MARCHF1: variants seen among roughly 807,000 people sequenced by gnomAD.
The protein encoded by MARCHF1 is E3 ubiquitin-protein ligase MARCHF1.
MARCHF1 carries 40 observed loss-of-function variants against 54.2 expected under a neutral mutation model. The ratio of observed to expected loss-of-function variants is 0.74; its 90% CI spans 0.57 to 0.96. The LOEUF (loss-of-function observed/expected upper bound fraction) is 0.96, where lower values mean the gene tolerates loss of function less well. Among genes scored for constraint, MARCHF1 ranks in the 40% least tolerant of loss-of-function variants. The pLI is 0.00. For missense variants in MARCHF1, 586 were observed against 656.5 expected (o/e 0.89, Z 1.17); for synonymous variants, 236 against 236.3 (o/e 1.00, Z 0.01).
intron 5 of MARCHF1, among the ~76,000 whole-genome samples, chr4:163,684,007 G>A (rs1263553915): frequency 1.3e-5 from 2 of 152,154 alleles, no homozygotes; most frequent in East Asian, 1.9e-4. Flanking sequence ...TGGAAACCGT[G>A]TGATTTCTCC....
chr4:164,144,796 G>A lies in MARCHF1; in HGVS notation c.-322-33134C>T, dbSNP rs1200164413. On this transcript the variant is annotated intron_variant, in intron 1 of 9. Coordinates refer to ENST00000514618, the MANE Select transcript of MARCHF1 (RefSeq NM_001394959.1). Reference sequence around the variant, plus strand: ...CAAGAGCAAACACATTCAAAAGCTAGCAGAAGGCAAGAAATAACTAAAATC... The same window carrying A: ...CAAGAGCAAACACATTCAAAAGCTAACAGAAGGCAAGAAATAACTAAAATC... 8.4e-5 allele frequency among the ~76,000 whole-genome samples: 9 copies of A among 106,996 alleles called. No homozygotes were observed. In the South Asian group the frequency reaches 1.8e-3, roughly 21 times the overall value. 70.2% of individuals were successfully genotyped at this position (106,996 alleles called of 152,430 possible). A position where few individuals can be genotyped will look rare whatever the true frequency, so the allele number is the denominator to read the frequency against.
chr4:163,569,825 T>C (rs1739782406), intron 8 of MARCHF1, among the ~76,000 whole-genome samples: 1 of 152,166 alleles, frequency 6.6e-6, no homozygotes, highest in Non-Finnish European at 1.5e-5. Flanking sequence ...TACAGTTACT[T>C]ATCTGTAATT....
intron 2 of MARCHF1, among the ~76,000 whole-genome samples, chr4:163,999,175 T>C (rs916358608): frequency 3.3e-5 from 5 of 151,644 alleles, no homozygotes; most frequent in Non-Finnish European, 7.4e-5. Context: ...CATTAGCCAT[T>C]ACCCAATGTA....
At chr4:163,585,366 T>C (rs1740374222) in intron 8 of MARCHF1, 1 of 154,100 alleles carries the variant, frequency 6.5e-6, no homozygotes, top group Non-Finnish European at 1.4e-5. Context: ...TTTAAGGCAA[T>C]GTATCATGTA....
intron 4 of MARCHF1, among the ~76,000 whole-genome samples, chr4:163,736,549 T>TGGGG (rs10539755): frequency 5.3e-3 from 690 of 131,428 alleles, no homozygotes; most frequent in African/African-American, 6.3e-3. Context: ...AAGGGTTGGG[T>TGGGG]GGGGGGGGGG....
chr4:163,575,114 A>G (rs998686248), intron 8 of MARCHF1, among the ~76,000 whole-genome samples: 1 of 151,988 alleles, frequency 6.6e-6, no homozygotes, highest in African/African-American at 2.4e-5. Flanking sequence ...GTTCTCAAGC[A>G]GACTGCATCC....
At chr4:163,794,178 T>C (rs1747848964) in intron 4 of MARCHF1, among the ~76,000 whole-genome samples, 1 of 152,222 alleles carries the variant, frequency 6.6e-6, no homozygotes, top group Non-Finnish European at 1.5e-5. Flanking sequence ...CAGAATACTG[T>C]GATTCCAGCT....
chr4:164,152,982 T>C (rs1401969159), intron 1 of MARCHF1, among the ~76,000 whole-genome samples: 1 of 152,028 alleles, frequency 6.6e-6, no homozygotes, highest in Non-Finnish European at 1.5e-5. Context: ...CTAAAATATA[T>C]AAAATCAAGC....
intron 1 of MARCHF1, among the ~76,000 whole-genome samples, chr4:164,220,674 T>TAATATATATGCTATATGC (rs1341864113): frequency 4.8e-5 from 5 of 104,908 alleles, no homozygotes; most frequent in African/African-American, 2.0e-4. Flanking sequence ...ATGCTATATG[T>TAATATATATGCTATATGC]ATATATGTAA....
At chr4:164,130,655 T>A (rs751419500) in intron 1 of MARCHF1, among the ~76,000 whole-genome samples, 14 of 152,290 alleles carry the variant, frequency 9.2e-5, no homozygotes, top group Non-Finnish European at 2.1e-4. Flanking sequence ...CTGGGAGGTT[T>A]CACTCAGTTT....
At chr4:164,347,161 A>C (rs1730132642) in intron 1 of MARCHF1, among the ~76,000 whole-genome samples, 1 of 152,182 alleles carries the variant, frequency 6.6e-6, no homozygotes, top group Non-Finnish European at 1.5e-5. Flanking sequence ...ATGTGAAAAA[A>C]AAATTGTGAG....
At chr4:164,307,307 T>C (rs930560866) in intron 1 of MARCHF1, among the ~76,000 whole-genome samples, 4 of 152,164 alleles carry the variant, frequency 2.6e-5, no homozygotes, top group African/African-American at 9.7e-5. Context: ...CCTAGCATAG[T>C]AAGGGAGTAG....
chr4:163,733,221 ACACG>A (rs1561047042), intron 4 of MARCHF1, among the ~76,000 whole-genome samples: 5 of 21,020 alleles, frequency 2.4e-4, no homozygotes, highest in African/African-American at 4.9e-4. Context: ...ATATATATAT[ACACG>A]TGTATATATA....
intron 3 of MARCHF1, among the ~76,000 whole-genome samples, chr4:163,926,733 TAA>T (rs1049528713): frequency 6.0e-4 from 91 of 151,634 alleles, no homozygotes; most frequent in Non-Finnish European, 1.6e-4. Flanking sequence ...TCTCTGATAC[TAA>T]GACATTTATA....
chr4:164,037,652 C>T (rs1441406302), intron 2 of MARCHF1, among the ~76,000 whole-genome samples: 2 of 152,178 alleles, frequency 1.3e-5, no homozygotes, highest in Admixed American at 6.5e-5. Context: ...TAAGTGTGGG[C>T]TGTGCATGGT....
intron 7 of MARCHF1, among the ~76,000 whole-genome samples, chr4:163,595,376 G>A (rs1005225007): frequency 6.6e-6 from 1 of 151,952 alleles, no homozygotes; most frequent in South Asian, 2.1e-4. Context: ...AATTAGCGGA[G>A]TGTGGTGTCA....
intron 1 of MARCHF1, among the ~76,000 whole-genome samples, chr4:164,361,955 T>C (rs1659388010): frequency 6.6e-6 from 1 of 152,106 alleles, no homozygotes; most frequent in African/African-American, 2.4e-5. Flanking sequence ...GAGTAATACT[T>C]TGCTCATGGG....
At chr4:164,016,468 A>G (rs966079834) in intron 2 of MARCHF1, among the ~76,000 whole-genome samples, 1 of 152,208 alleles carries the variant, frequency 6.6e-6, no homozygotes. Context: ...ACCATATCAC[A>G]TATACACAAT....
intron 3 of MARCHF1, among the ~76,000 whole-genome samples, chr4:163,947,105 T>G (rs190387623): frequency 2.0e-5 from 3 of 152,288 alleles, no homozygotes; most frequent in East Asian, 3.9e-4. Context: ...ATAGAAATGG[T>G]GTAAATGAGA....
Sources: gnomAD v4.1 joint callset for allele counts (sites outside exome capture counted in the v4.1 genomes callset) on GRCh38, gnomAD v4.1.1 for gene constraint, MANE v1.5 for transcripts, NCBI Gene and HGNC (gene_info 2026-07-23, HGNC 2026-07-21) for gene names.